The following SAMD5 variants were observed in gnomAD, a reference collection of about 807,000 sequenced individuals.
SAMD5 encodes the protein sterile alpha motif domain containing 5.
SAMD5 carries 13 observed loss-of-function variants against 11.3 expected under a neutral mutation model. The ratio of observed to expected loss-of-function variants is 1.15; its 90% confidence interval spans 0.75 to 1.83. The LOEUF (loss-of-function observed/expected upper bound fraction) is 1.83, where lower values mean the gene tolerates loss of function less well. Among genes scored for constraint, SAMD5 ranks in the 40% most tolerant of loss-of-function variants. SAMD5 has a pLI of 0.00. For missense variants in SAMD5, 255 were observed against 239.1 expected (o/e 1.07, Z -0.44); for synonymous variants, 129 against 111.3 (o/e 1.16, Z -1.00).
At chr6:147,526,391 C>G (rs2128440654) in intron 1 of SAMD5, among the ~76,000 whole-genome samples, 1 of 152,316 alleles carries the variant, frequency 6.6e-6, no homozygotes, top group Admixed American at 6.5e-5. Flanking sequence ...AAATTACAGT[C>G]TGGAGAAAGA....
chr6:147,579,454 A>ATTTTTTTTTT (rs3031353), intron 1 of SAMD5, among the ~76,000 whole-genome samples: 1 of 76,918 alleles, frequency 1.3e-5, no homozygotes, highest in African/African-American at 5.6e-5. Flanking sequence ...CAGGCTTTGA[A>ATTTTTTTTTT]TTTTTTTTTT....
chr6:147,885,026 C>A, the SAMD5 span, among the ~76,000 whole-genome samples: 2 of 152,086 alleles, frequency 1.3e-5, no homozygotes. Flanking sequence ...TTTGAATAGC[C>A]TTTTAAAAAA....
the SAMD5 span, among the ~76,000 whole-genome samples, chr6:147,795,960 A>C: frequency 6.8e-6 from 1 of 147,512 alleles, no homozygotes; most frequent in Non-Finnish European, 1.5e-5. Context: ...TAGATTCTGG[A>C]TATTAGCCCT....
the SAMD5 span, among the ~76,000 whole-genome samples, chr6:147,895,265 AT>A: frequency 0.21 from 31,851 of 151,708 alleles, 3,429 homozygotes; most frequent in Non-Finnish European, 0.23. Context: ...ATAAAACATG[AT>A]TTTTTTTTCC....
chr6:147,833,157 A>T, the SAMD5 span, among the ~76,000 whole-genome samples: 4 of 152,094 alleles, frequency 2.6e-5, no homozygotes, highest in Non-Finnish European at 4.4e-5. Flanking sequence ...ACTTTGTAGA[A>T]CTCATTGGCC....
intron 1 of SAMD5, among the ~76,000 whole-genome samples, chr6:147,605,048 C>T (rs1478515078): frequency 6.6e-6 from 1 of 152,308 alleles, no homozygotes; most frequent in East Asian, 1.9e-4. Flanking sequence ...TAAGATTTCT[C>T]TGACACTGTC....
chr6:147,808,215 T>A, the SAMD5 span, among the ~76,000 whole-genome samples: 1 of 152,190 alleles, frequency 6.6e-6, no homozygotes, highest in Non-Finnish European at 1.5e-5. Context: ...TATTATTATT[T>A]TTTTAGAGAC....
the SAMD5 span, among the ~76,000 whole-genome samples, chr6:147,746,989 T>C: frequency 6.6e-6 from 1 of 152,148 alleles, no homozygotes; most frequent in Non-Finnish European, 1.5e-5. Flanking sequence ...GTGAGGACCA[T>C]GTTCAGTAAC....
At chr6:147,643,426 A>C (rs2128452573) in intron 1 of SAMD5, among the ~76,000 whole-genome samples, 1 of 152,248 alleles carries the variant, frequency 6.6e-6, no homozygotes, top group East Asian at 1.9e-4. Context: ...AATTTTTTCC[A>C]GCTGTGTAGT....
chr6:147,724,132 T>A (rs73787390), intron 1 of SAMD5, among the ~76,000 whole-genome samples: 3,087 of 151,562 alleles, frequency 0.02, 95 homozygotes, highest in African/African-American at 0.068. Context: ...ATGAAAAAAA[T>A]ATATATATTT....
At chr6:147,694,145 A>C (rs2128457267) in intron 1 of SAMD5, among the ~76,000 whole-genome samples, 1 of 152,300 alleles carries the variant, frequency 6.6e-6, no homozygotes, top group African/African-American at 2.4e-5. Context: ...CTGCAAATTA[A>C]AGTTCTTTGT....
rs183584443 is a variant in SAMD5, at chr6:147,569,471, A to G, written c.*5015A>G. On this transcript the variant is annotated 3_prime_UTR_variant, in exon 2 of 2. Coordinates refer to ENST00000367474, the MANE Select transcript of SAMD5 (RefSeq NM_001030060.3). ...GACCAAAAGGAAATAAATCTACAAT[A>G]AATCTACTTTCTAAATATTATTTAA... The G allele has an allele frequency of 1.8e-3, 1,639 of 913,972 alleles. 3 individuals carry two copies. The highest frequency in any genetic ancestry group is 2.0e-3 in the Admixed American group (32 of 16,180). 56.6% of individuals were successfully genotyped at this position (913,972 alleles called of 1,614,324 possible). A position where few individuals can be genotyped will look rare whatever the true frequency, so the allele number is the denominator to read the frequency against.
chr6:147,687,821 T>C (rs1042361419), intron 1 of SAMD5, among the ~76,000 whole-genome samples: 2 of 152,204 alleles, frequency 1.3e-5, no homozygotes, highest in Admixed American at 6.5e-5. Context: ...GTAAGTTTTA[T>C]TGCAGCTTAT....
chr6:147,938,034 TAA>T, the SAMD5 span, among the ~76,000 whole-genome samples: 1 of 152,188 alleles, frequency 6.6e-6, no homozygotes, highest in Non-Finnish European at 1.5e-5. Context: ...TCCAATGAAG[TAA>T]AACTTCTTTG....
At chr6:147,940,694 G>A in the SAMD5 span, among the ~76,000 whole-genome samples, 6 of 152,296 alleles carry the variant, frequency 3.9e-5, no homozygotes, top group East Asian at 7.7e-4. Flanking sequence ...CAGGCACAGC[G>A]GCTCACACCT....
intron 1 of SAMD5, among the ~76,000 whole-genome samples, chr6:147,628,241 T>C (rs1398926546): frequency 1.3e-5 from 2 of 152,192 alleles, no homozygotes; most frequent in Non-Finnish European, 2.9e-5. Context: ...TGAATTACAA[T>C]CTAATATACT....
the SAMD5 span, among the ~76,000 whole-genome samples, chr6:147,947,146 CAA>C: frequency 9.9e-5 from 15 of 152,142 alleles, no homozygotes; most frequent in Non-Finnish European, 2.1e-4. Context: ...GAATAAAAAA[CAA>C]GAGTGTGTTT....
intron 1 of SAMD5, chr6:147,729,829 A>G (rs1269467827): frequency 8.8e-6 from 4 of 456,810 alleles, no homozygotes; most frequent in African/African-American, 2.0e-5. Flanking sequence ...TCATGCCTGT[A>G]ATCCCAGCAC....
the SAMD5 span, among the ~76,000 whole-genome samples, chr6:147,930,157 G>C: frequency 6.6e-6 from 1 of 152,286 alleles, no homozygotes; most frequent in East Asian, 1.9e-4. Context: ...GCTATGCCTA[G>C]TAAGAGCAAC....
Sources: gnomAD v4.1 joint callset for allele counts (sites outside exome capture counted in the v4.1 genomes callset) on GRCh38, gnomAD v4.1.1 for gene constraint, MANE v1.5 for transcripts, NCBI Gene and HGNC (gene_info 2026-07-23, HGNC 2026-07-21) for gene names.